Variants in CRADD observed in about 807,000 individuals in gnomAD.
CRADD encodes death domain-containing protein CRADD.
Under a neutral mutation model 15.5 loss-of-function variants are expected in CRADD, and 9 were observed. That is an observed-to-expected ratio of 0.58 (90% CI 0.35 to 1.01). CRADD has a LOEUF of 1.01. CRADD is among the 50% of genes least tolerant of loss of function. CRADD has a pLI of 0.02. For synonymous variants in CRADD, 118 were observed against 107.6 expected (o/e 1.10, Z -0.60); for missense variants, 227 against 250.3 (o/e 0.91, Z 0.63).
chr12:93,806,229 G>A (rs1022087321), intron 2 of CRADD, among the ~76,000 whole-genome samples: 6 of 151,818 alleles, frequency 4.0e-5, no homozygotes, highest in African/African-American at 7.3e-5. Context: ...CGAGGTGGGC[G>A]GATCAAAAGA....
In CRADD at chr12:93,782,494, A is replaced by T. The variant is rs561351995; in HGVS notation, c.299-67476A>T. ...GTACCTTAAAACTTAAAGTATAATT[A>T]AAAAAAACAAAAAGACTTAAGGGTG... On this transcript the variant is annotated intron_variant, in intron 2 of 2. Coordinates refer to ENST00000332896, the MANE Select transcript of CRADD (RefSeq NM_003805.5). 3.3e-3 allele frequency among the ~76,000 whole-genome samples: 493 copies of T among 151,120 alleles called. 6 individuals carry two copies. The highest frequency in any genetic ancestry group is 0.027 in the Middle Eastern group (8 of 292).
intron 2 of CRADD, among the ~76,000 whole-genome samples, chr12:93,752,155 C>G (rs1956835839): frequency 6.6e-6 from 1 of 152,228 alleles, no homozygotes; most frequent in Non-Finnish European, 1.5e-5. Context: ...TTCATTCCCG[C>G]TGGGACCTCA....
chr12:93,764,416 A>G (rs150630608), intron 2 of CRADD, among the ~76,000 whole-genome samples: 1 of 152,116 alleles, frequency 6.6e-6, no homozygotes, highest in East Asian at 1.9e-4. Flanking sequence ...CTTTAGGGTA[A>G]CTTCAACATT....
At chr12:93,885,901 T>A (rs1029422278) in intron 2 of CRADD, among the ~76,000 whole-genome samples, 2 of 151,972 alleles carry the variant, frequency 1.3e-5, no homozygotes, top group Non-Finnish European at 2.9e-5. Context: ...TAGCCAGGGA[T>A]GATGGCACGC....
intron 2 of CRADD, among the ~76,000 whole-genome samples, chr12:93,699,072 C>CT (rs1373724271): frequency 4.6e-5 from 7 of 152,066 alleles, no homozygotes; most frequent in Non-Finnish European, 1.0e-4. Context: ...CCCAAAAAAG[C>CT]TTTGGTTTTT....
intron 2 of CRADD, chr12:93,738,060 T>C: frequency 2.1e-6 from 1 of 469,250 alleles, no homozygotes; most frequent in South Asian, 5.2e-5. Flanking sequence ...AACAGGTCCC[T>C]TTCTATTCGT....
chr12:93,737,881 T>G, intron 2 of CRADD: 1 of 183,182 alleles, frequency 5.5e-6, no homozygotes, highest in African/African-American at 2.4e-5. Context: ...GAACAGGCAA[T>G]GTTGTTTAGG....
intron 2 of CRADD, among the ~76,000 whole-genome samples, chr12:93,871,098 CTT>C (rs1401569585): frequency 2.0e-5 from 3 of 152,156 alleles, no homozygotes; most frequent in Non-Finnish European, 4.4e-5. Flanking sequence ...GTATACCTCT[CTT>C]TGAGTATTCT....
chr12:93,788,034 A>G (rs1026651077), intron 2 of CRADD, among the ~76,000 whole-genome samples: 1 of 152,226 alleles, frequency 6.6e-6, no homozygotes, highest in African/African-American at 2.4e-5. Flanking sequence ...CATTTGAAAT[A>G]TGGCTCATCT....
chr12:93,827,691 C>T (rs998312964), intron 2 of CRADD, among the ~76,000 whole-genome samples: 2 of 151,950 alleles, frequency 1.3e-5, no homozygotes, highest in South Asian at 2.1e-4. Context: ...ATGAGAGTTC[C>T]GTTTCTTCCA....
chr12:93,804,598 C>T (rs1565920127), intron 2 of CRADD, among the ~76,000 whole-genome samples: 1 of 152,112 alleles, frequency 6.6e-6, no homozygotes, highest in African/African-American at 2.4e-5. Flanking sequence ...ACACTGTGGT[C>T]AGGCCCTTGG....
intron 2 of CRADD, among the ~76,000 whole-genome samples, chr12:93,807,962 G>C (rs1230393575): frequency 8.3e-6 from 1 of 121,126 alleles, no homozygotes; most frequent in Non-Finnish European, 1.6e-5. Flanking sequence ...TGGTATGTTA[G>C]AAGATGGTAA....
chr12:93,712,186 A>G (rs1956086574), intron 2 of CRADD, among the ~76,000 whole-genome samples: 1 of 152,170 alleles, frequency 6.6e-6, no homozygotes, highest in East Asian at 1.9e-4. Context: ...AGAGGTACAT[A>G]CTTCGTAGAG....
At chr12:93,730,717 CTTTTTTTTTT>C (rs566237726) in intron 2 of CRADD, among the ~76,000 whole-genome samples, 1 of 127,176 alleles carries the variant, frequency 7.9e-6, no homozygotes, top group African/African-American at 2.9e-5. Flanking sequence ...CCTTCATTTA[CTTTTTTTTTT>C]TTTTTTTTAA....
rs115581173 is a variant in CRADD at position 93,697,733 on chromosome 12, T to C, written c.298+18661T>C. On this transcript the variant is annotated intron_variant, in intron 2 of 2. Coordinates refer to ENST00000332896, the MANE Select transcript of CRADD (RefSeq NM_003805.5). ...TCTAGGTTCATGACTGAGGCCCTTATACCAAAGGACAGATAAACAAGAGCA... is the reference window on the plus strand; with the variant it reads ...TCTAGGTTCATGACTGAGGCCCTTACACCAAAGGACAGATAAACAAGAGCA... Among the ~76,000 whole-genome samples, 178 of 152,310 alleles carry C rather than the reference T, an allele frequency of 1.2e-3. 2 individuals are homozygous for C. Among genetic ancestry groups the C allele is most frequent in the African/African-American group, 4.0e-3 (168 of 41,580 alleles).
intron 2 of CRADD, among the ~76,000 whole-genome samples, chr12:93,798,802 T>C (rs1038643067): frequency 2.0e-5 from 3 of 152,180 alleles, no homozygotes; most frequent in Non-Finnish European, 4.4e-5. Flanking sequence ...CTTAGCACTC[T>C]GATAGTGAGC....
intron 2 of CRADD, among the ~76,000 whole-genome samples, chr12:93,831,686 A>G (rs894436755): frequency 3.3e-5 from 5 of 152,244 alleles, no homozygotes; most frequent in Admixed American, 2.6e-4. Flanking sequence ...TACAGCTCTC[A>G]TCTTCCTTTA....
At chr12:93,697,494 T>A (rs989074738) in intron 2 of CRADD, among the ~76,000 whole-genome samples, 1 of 152,258 alleles carries the variant, frequency 6.6e-6, no homozygotes, top group Non-Finnish European at 1.5e-5. Context: ...CAATCTGTGA[T>A]ATTTTGTTAT....
chr12:93,799,586 C>G (rs1474750268), intron 2 of CRADD, among the ~76,000 whole-genome samples: 1 of 152,186 alleles, frequency 6.6e-6, no homozygotes, highest in Non-Finnish European at 1.5e-5. Flanking sequence ...CATTGAAAGA[C>G]ATTTTATAGA....
Sources: gnomAD v4.1 joint callset for allele counts (sites outside exome capture counted in the v4.1 genomes callset) on GRCh38, gnomAD v4.1.1 for gene constraint, MANE v1.5 for transcripts, NCBI Gene and HGNC (gene_info 2026-07-23, HGNC 2026-07-21) for gene names.